The following LAMA2 variants were observed in gnomAD, a reference collection of about 807,000 sequenced individuals.
LAMA2 encodes laminin subunit alpha 2.
In LAMA2, 269 loss-of-function variants were observed where a neutral mutation model predicts 364.8. That is an observed-to-expected ratio of 0.74 (90% CI 0.67 to 0.82). LAMA2 has a LOEUF of 0.82. Among genes scored for constraint, LAMA2 ranks in the 40% least tolerant of loss-of-function variants. The pLI, the probability that LAMA2 is intolerant of heterozygous loss-of-function variation, is 0.00. For missense variants in LAMA2, 3,807 were observed against 3,873.2 expected (o/e 0.98, Z 0.45); for synonymous variants, 1,379 against 1,370.6 (o/e 1.01, Z -0.14).
At chr6:128,996,740 C>T (rs923974114) in intron 1 of LAMA2, among the ~76,000 whole-genome samples, 7 of 152,074 alleles carry the variant, frequency 4.6e-5, no homozygotes, top group South Asian at 2.1e-4. Context: ...GATCTAGAAC[C>T]GGAAATACCA....
rs200523573 is a variant in LAMA2 at position 129,306,346 on chromosome 6, TG to T, written c.3174+5475del. Among the ~76,000 whole-genome samples, 237 of 74,168 alleles carry T rather than the reference TG, an allele frequency of 3.2e-3. 5 individuals are homozygous for T. Among genetic ancestry groups the T allele is most frequent in the South Asian group, 0.031 (76 of 2,480 alleles). The allele number at this position is 74,168 out of a possible 152,430, so 48.7% of individuals were successfully genotyped here. A position where few individuals can be genotyped will look rare whatever the true frequency, so the allele number is the denominator to read the frequency against. On this transcript the variant is annotated intron_variant, in intron 22 of 64. Transcript: ENST00000421865. Reference sequence around the variant, plus strand: ...TTTTTTTTTTTTTGTTCCAGAAAGGTGTTTTTTTTTTTTCCGAAGATGTTTT... The same window carrying T: ...TTTTTTTTTTTTTGTTCCAGAAAGGTTTTTTTTTTTTTCCGAAGATGTTTT...
chr6:129,358,879 T>C (rs573659984), intron 32 of LAMA2, among the ~76,000 whole-genome samples: 55 of 152,086 alleles, frequency 3.6e-4, no homozygotes, highest in African/African-American at 1.3e-3. Flanking sequence ...CCTGTTACTA[T>C]CTCTAATTCT....
At chr6:129,461,862 A>T (rs1433223209) in intron 49 of LAMA2, among the ~76,000 whole-genome samples, 1 of 152,036 alleles carries the variant, frequency 6.6e-6, no homozygotes, top group Admixed American at 6.6e-5. Context: ...TAGCCATGAA[A>T]AGACATCACC....
intron 48 of LAMA2, among the ~76,000 whole-genome samples, chr6:129,458,263 G>A (rs1428604156): frequency 2.0e-5 from 3 of 151,970 alleles, no homozygotes; most frequent in African/African-American, 7.2e-5. Flanking sequence ...AAAATATATG[G>A]CAAATAGCTG....
intron 20 of LAMA2, among the ~76,000 whole-genome samples, chr6:129,295,789 G>A (rs1562427853): frequency 1.2e-5 from 1 of 81,440 alleles, no homozygotes; most frequent in African/African-American, 4.0e-5. Context: ...ATGAGTAAAT[G>A]TATATATATA....
intron 4 of LAMA2, among the ~76,000 whole-genome samples, chr6:129,136,566 GAA>G (rs1224865670): frequency 7.4e-6 from 1 of 135,076 alleles, no homozygotes. Context: ...TGACCAGCAG[GAA>G]AAAAAAAAAA....
intron 4 of LAMA2, among the ~76,000 whole-genome samples, chr6:129,119,908 G>A (rs146790997): frequency 7.1e-4 from 108 of 152,274 alleles, no homozygotes; most frequent in African/African-American, 2.5e-3. Context: ...TAATAAATAT[G>A]TCTAAGGAAT....
chr6:129,124,958 C>T (rs1221720629), intron 4 of LAMA2, among the ~76,000 whole-genome samples: 1 of 152,172 alleles, frequency 6.6e-6, no homozygotes, highest in Non-Finnish European at 1.5e-5. Context: ...GAGGCTTTCA[C>T]AGCAACTCGG....
intron 45 of LAMA2, among the ~76,000 whole-genome samples, chr6:129,448,995 G>T (rs1046507555): frequency 1.3e-5 from 2 of 152,176 alleles, no homozygotes; most frequent in Non-Finnish European, 2.9e-5. Context: ...ACAGTATTTT[G>T]ATTTACCTGT....
At chr6:129,221,296 C>A in intron 12 of LAMA2, among the ~76,000 whole-genome samples, 1 of 125,876 alleles carries the variant, frequency 7.9e-6, no homozygotes, top group South Asian at 2.6e-4. Context: ...ATACTGGTTT[C>A]TTTTTTTTTT....
intron 8 of LAMA2, among the ~76,000 whole-genome samples, chr6:129,160,806 A>AT (rs1377770801): frequency 2.0e-5 from 3 of 151,544 alleles, no homozygotes; most frequent in Non-Finnish European, 4.4e-5. Flanking sequence ...CTTGTGATTT[A>AT]TTTTTTGTTA....
intron 17 of LAMA2, among the ~76,000 whole-genome samples, chr6:129,277,527 G>C (rs1236634004): frequency 6.6e-6 from 1 of 152,108 alleles, no homozygotes; most frequent in Non-Finnish European, 1.5e-5. Context: ...GTTATGTCGA[G>C]TATCTATATT....
At chr6:129,422,291 A>G (rs914018063) in intron 40 of LAMA2, among the ~76,000 whole-genome samples, 8 of 150,434 alleles carry the variant, frequency 5.3e-5, no homozygotes, top group South Asian at 2.1e-4. Context: ...AAAAGCAGGG[A>G]AAAAAAAATT....
chr6:128,948,586 A>T (rs1208565214), intron 1 of LAMA2, among the ~76,000 whole-genome samples: 1 of 152,136 alleles, frequency 6.6e-6, no homozygotes, highest in African/African-American at 2.4e-5. Flanking sequence ...TATGATTTGC[A>T]TGTTTGCCCC....
chr6:129,138,226 C>A (rs1403667729), intron 4 of LAMA2, among the ~76,000 whole-genome samples: 1 of 151,656 alleles, frequency 6.6e-6, no homozygotes, highest in Non-Finnish European at 1.5e-5. Context: ...AGAGGAAGGC[C>A]AGAGATAAAG....
At chr6:129,452,769 C>T (rs903031928) in intron 45 of LAMA2, among the ~76,000 whole-genome samples, 1 of 152,162 alleles carries the variant, frequency 6.6e-6, no homozygotes, top group African/African-American at 2.4e-5. Flanking sequence ...AGACATGGAA[C>T]TGTGAACAGC....
In LAMA2 at chr6:129,516,523, T is replaced by TCTC. The variant is rs1787097470; in HGVS notation, c.*177_*179dup. ...AGACTGAATTTTAATTCAAGTTCTT[T>TCTC]CTCAAGTCTATAAATAATATTAAAC... On this transcript the variant is annotated 3_prime_UTR_variant, in exon 65 of 65. Transcript: ENST00000421865. 1.6e-6 allele frequency: 1 copy of TCTC among 622,652 alleles called. No homozygotes were observed. Among genetic ancestry groups the TCTC allele is most frequent in the Non-Finnish European group, 2.8e-6 (1 of 359,036 alleles). The allele number at this position is 622,652 out of a possible 1,614,324, so 38.6% of individuals were successfully genotyped here. A position where few individuals can be genotyped will look rare whatever the true frequency, so the allele number is the denominator to read the frequency against.
intron 30 of LAMA2, among the ~76,000 whole-genome samples, chr6:129,344,099 T>G (rs1377429658): frequency 6.6e-6 from 1 of 152,134 alleles, no homozygotes; most frequent in Non-Finnish European, 1.5e-5. Context: ...AAGGAAACAC[T>G]ACAAGTTTTT....
intron 12 of LAMA2, among the ~76,000 whole-genome samples, chr6:129,224,662 C>T (rs564085050): frequency 6.6e-6 from 1 of 152,158 alleles, no homozygotes; most frequent in Admixed American, 6.5e-5. Context: ...GTTGAACCAG[C>T]CTTGCATCCC....
Sources: allele counts gnomAD v4.1 joint callset (sites outside exome capture counted in the v4.1 genomes callset), GRCh38; gene constraint gnomAD v4.1.1; transcripts MANE v1.5; gene names NCBI Gene and HGNC (gene_info 2026-07-23, HGNC 2026-07-21).